The following PCDH11X variants were observed in gnomAD, a reference collection of about 807,000 sequenced individuals.
The protein encoded by PCDH11X is protocadherin-11 X-linked.
Under a neutral mutation model 53.3 loss-of-function variants are expected in PCDH11X, and 18 were observed. That is an observed-to-expected ratio of 0.34 (90% CI 0.23 to 0.50). The LOEUF is 0.50. Ranked by LOEUF, PCDH11X falls within the 20% of genes least tolerant of loss-of-function variation. The pLI is 0.98. For missense variants in PCDH11X, 570 were observed against 1,032.4 expected (o/e 0.55, Z 6.14); for synonymous variants, 279 against 393.3 (o/e 0.71, Z 3.44).
intron 6 of PCDH11X, among the ~76,000 whole-genome samples, chrX:91,926,962 T>C (rs775337963): frequency 9.0e-6 from 1 of 111,293 alleles, no homozygotes; most frequent in East Asian, 2.9e-4. Context: ...TATCTCCCCT[T>C]CCCCTCCATG....
At chrX:92,497,232 G>A (rs1164334819) in intron 10 of PCDH11X, among the ~76,000 whole-genome samples, 4 of 109,024 alleles carry the variant, frequency 3.7e-5, no homozygotes, top group African/African-American at 6.6e-5. Flanking sequence ...GAATCTTTCA[G>A]GTCAGGTGAT....
chrX:92,262,218 A>C (rs1200016032), intron 7 of PCDH11X, among the ~76,000 whole-genome samples: 1 of 111,414 alleles, frequency 9.0e-6, no homozygotes, highest in African/African-American at 3.3e-5. Context: ...TTCAGATTCA[A>C]GCCTACTCTC....
At chrX:92,545,401 T>G (rs1473434354) in intron 10 of PCDH11X, among the ~76,000 whole-genome samples, 3 of 92,104 alleles carry the variant, frequency 3.3e-5, no homozygotes, top group African/African-American at 1.2e-4. Flanking sequence ...TTTTTTTTTT[T>G]TTTTTTTTTT....
At chrX:91,935,292 G>A (rs992365427) in intron 6 of PCDH11X, among the ~76,000 whole-genome samples, 7 of 104,510 alleles carry the variant, frequency 6.7e-5, no homozygotes. Flanking sequence ...TGTCTTACTA[G>A]AGAAGACCCA....
At chrX:92,300,832 G>T (rs1346097828) in intron 8 of PCDH11X, among the ~76,000 whole-genome samples, 1 of 111,441 alleles carries the variant, frequency 9.0e-6, no homozygotes, top group Non-Finnish European at 1.9e-5. Context: ...ATCCTTGGGG[G>T]TTTGGTCATT....
rs374099177 is a variant in PCDH11X at position 92,372,394 on chromosome X, C to T, written c.3145-15341C>T. Among the ~76,000 whole-genome samples the T allele has an allele frequency of 2.8e-3, 280 of 101,615 alleles. 7 individuals are homozygous for T. The East Asian group carries it at 0.054, about 19-fold the overall frequency. The allele number at this position is 101,615 out of a possible 115,157, so 88.2% of individuals were successfully genotyped here. A position where few individuals can be genotyped will look rare whatever the true frequency, so the allele number is the denominator to read the frequency against. ...CAAGTGGCGAGAGCACTCAGAGACG[C>T]GACGTGGAGCTGGCGGGTACCGAGC... On this transcript the variant is annotated intron_variant, in intron 8 of 10. Transcript: ENST00000682573.
Position 92,555,719 on chromosome X carries a change from A to C in PCDH11X, c.3368-62545A>C, listed in dbSNP as rs750725071. On this transcript the variant is annotated intron_variant, in intron 10 of 10. Transcript: ENST00000682573. ...ACTTGCATTACCATCCCTTCTATTC[A>C]ATTTTAGAAAGGTTCTGTCCTTCTC... 3.6e-5 allele frequency among the ~76,000 whole-genome samples: 4 copies of C among 111,023 alleles called. No homozygotes were observed. The South Asian group carries it at 1.5e-3, about 43-fold the overall frequency.
intron 6 of PCDH11X, chrX:92,113,929 A>T (rs1470643383): frequency 3.3e-6 from 4 of 1,203,407 alleles, no homozygotes; most frequent in African/African-American, 3.5e-5. Flanking sequence ...CAGTACAAAC[A>T]TCTTGATGTA....
chrX:92,010,120 C>A (rs1409072215), intron 6 of PCDH11X, among the ~76,000 whole-genome samples: 1 of 111,055 alleles, frequency 9.0e-6, no homozygotes, highest in Admixed American at 9.7e-5. Flanking sequence ...TATATGTAAC[C>A]AAACTGTTCT....
At chrX:92,271,457 C>G (rs10776117) in intron 8 of PCDH11X, among the ~76,000 whole-genome samples, 14,962 of 111,620 alleles carry the variant, frequency 0.13, 1,896 homozygotes, top group East Asian at 0.52. Context: ...TAATGTGGGA[C>G]TGGGCCTAAG....
rs1319492989 is a variant in PCDH11X, at chrX:92,485,856, A to AAT, written c.3367+17535_3367+17536insTA. On this transcript the variant is annotated intron_variant, in intron 10 of 10. Coordinates refer to ENST00000682573, the MANE Select transcript of PCDH11X (RefSeq NM_032968.5). ...CAAGAGAATTTGGGTAGCTTTATTA[A>AAT]AGCTGGGTTGGACGGTGAGTCTGAG... Among the ~76,000 whole-genome samples, 4 of 111,249 alleles carry AAT rather than the reference A, an allele frequency of 3.6e-5. No homozygotes were observed. The East Asian group carries it at 1.1e-3, about 31-fold the overall frequency.
chrX:92,556,225 T>A (rs1039006333), intron 10 of PCDH11X, among the ~76,000 whole-genome samples: 2 of 110,814 alleles, frequency 1.8e-5, no homozygotes, highest in Non-Finnish European at 3.8e-5. Flanking sequence ...CCAAATCTTA[T>A]ATACTCACAT....
intron 6 of PCDH11X, among the ~76,000 whole-genome samples, chrX:92,159,731 A>G (rs1026767236): frequency 3.1e-5 from 3 of 97,157 alleles, no homozygotes; most frequent in African/African-American, 1.1e-4. Context: ...CATTCTATAA[A>G]ACAGAATGAG....
chrX:92,541,948 CAAAAAT>C (rs2074766344), intron 10 of PCDH11X, among the ~76,000 whole-genome samples: 1 of 109,829 alleles, frequency 9.1e-6, no homozygotes, highest in African/African-American at 3.3e-5. Context: ...GACTCCTTCT[CAAAAAT>C]AAAAATAAAA....
At chrX:92,279,445 T>G (rs756983899) in intron 8 of PCDH11X, among the ~76,000 whole-genome samples, 13 of 112,228 alleles carry the variant, frequency 1.2e-4, no homozygotes, top group Admixed American at 1.0e-3. Context: ...GTAGTCAGCA[T>G]TGAATGCAAT....
chrX:92,155,708 G>A (rs1397712440), intron 6 of PCDH11X, among the ~76,000 whole-genome samples: 5 of 102,554 alleles, frequency 4.9e-5, no homozygotes, highest in Non-Finnish European at 7.8e-5. Flanking sequence ...CTCACTGCAA[G>A]CTCCACCTCT....
At chrX:92,497,672 G>T (rs976288516) in intron 10 of PCDH11X, among the ~76,000 whole-genome samples, 1 of 111,102 alleles carries the variant, frequency 9.0e-6, no homozygotes, top group Admixed American at 9.6e-5. Flanking sequence ...TAAATCCTTC[G>T]AAGTATAAAC....
chrX:92,594,930 C>T (rs1416298855), intron 10 of PCDH11X, among the ~76,000 whole-genome samples: 2 of 109,104 alleles, frequency 1.8e-5, no homozygotes, highest in African/African-American at 6.7e-5. Context: ...GCAAAGTACC[C>T]TCCTGTGAGC....
intron 9 of PCDH11X, among the ~76,000 whole-genome samples, chrX:92,414,841 T>C (rs190182956): frequency 8.9e-6 from 1 of 111,880 alleles, no homozygotes; most frequent in East Asian, 2.8e-4. Flanking sequence ...AATGCAATTC[T>C]TATCCAAAGG....
Sources: allele counts gnomAD v4.1 joint callset (sites outside exome capture counted in the v4.1 genomes callset), GRCh38; gene constraint gnomAD v4.1.1; transcripts MANE v1.5; gene names NCBI Gene and HGNC (gene_info 2026-07-23, HGNC 2026-07-21).